Variants in TNR observed in about 807,000 individuals in gnomAD.
TNR encodes the protein tenascin R, also known as tenascin-R.
A neutral mutation model predicts 150.4 loss-of-function variants in TNR; 45 were observed. The observed-to-expected ratio is 0.30, with a 90% confidence interval of 0.24 to 0.38. The LOEUF is 0.38. TNR is among the 10% of genes least tolerant of loss of function. The pLI is 1.00. For missense variants in TNR, 1,544 were observed against 1,759.1 expected (o/e 0.88, Z 2.19); for synonymous variants, 687 against 678.4 (o/e 1.01, Z -0.20).
At chr1:175,523,711 C>T (rs1228049336) in intron 2 of TNR, among the ~76,000 whole-genome samples, 2 of 152,128 alleles carry the variant, frequency 1.3e-5, no homozygotes, top group Non-Finnish European at 2.9e-5. Flanking sequence ...GAGCAACTTC[C>T]TATTTCATCT....
chr1:175,461,980 C>T (rs1018945979), intron 2 of TNR, among the ~76,000 whole-genome samples: 1 of 152,134 alleles, frequency 6.6e-6, no homozygotes, highest in Non-Finnish European at 1.5e-5. Context: ...ACTCTGCAAC[C>T]CTGGTTTCCA....
chr1:175,486,226 C>T (rs886590968), intron 2 of TNR, among the ~76,000 whole-genome samples: 3 of 151,826 alleles, frequency 2.0e-5, no homozygotes, highest in Non-Finnish European at 4.4e-5. Flanking sequence ...CTGCACCCAT[C>T]AACCCATCAT....
chr1:175,582,596 A>C (rs1416530634), intron 1 of TNR, among the ~76,000 whole-genome samples: 5 of 152,170 alleles, frequency 3.3e-5, no homozygotes, highest in Non-Finnish European at 7.4e-5. Flanking sequence ...GGGGTGGTGG[A>C]GAACTCCACA....
At chr1:175,361,107 G>C (rs1231692892) in intron 14 of TNR, among the ~76,000 whole-genome samples, 1 of 152,092 alleles carries the variant, frequency 6.6e-6, no homozygotes, top group African/African-American at 2.4e-5. Flanking sequence ...TGTCACTCAG[G>C]CTGGCATGCA....
At position 175,391,411 on chromosome 1, in the gene TNR, C is replaced by G; in HGVS notation, c.1384G>C (p.Val462Leu). Residue 462 changes from valine to leucine, a missense_variant, in exon 7 of 23, where the codon GTC (valine) becomes CTC (leucine). Around this residue, in one of 2 missense-constraint regions of TNR, gnomAD observed 1,254 missense variants for 1,329.4 expected, o/e 0.94. Transcript: ENST00000367674. Reference sequence around the variant, plus strand: ...TTAAAGGACGTAACATCGCTGGGGACCTGAGCAATCACTCCCCCTTCATTG... The same window carrying G: ...TTAAAGGACGTAACATCGCTGGGGAGCTGAGCAATCACTCCCCCTTCATTG... The part of the protein sequence containing the change: ...KNNEGGVIAQ[V>L]PSDVTSFNQT... 6.2e-7 allele frequency: 1 copy of G among 1,614,126 alleles called. No individual in the cohort carries two copies. Among genetic ancestry groups the G allele is most frequent in the South Asian group, 1.1e-5 (1 of 91,074 alleles).
chr1:175,528,425 C>T (rs1436824836), intron 1 of TNR, 56 bp from the exon 2 acceptor site: 1 of 152,008 alleles, frequency 6.6e-6, no homozygotes, highest in African/African-American at 2.4e-5. Flanking sequence ...AATAAGAAAC[C>T]CTGGTTTCCC....
chr1:175,411,658 C>G (rs952758924), intron 2 of TNR, among the ~76,000 whole-genome samples: 2 of 151,618 alleles, frequency 1.3e-5, no homozygotes, highest in Non-Finnish European at 1.5e-5. Context: ...ACTGTATTCT[C>G]CTTGTTTCTT....
chr1:175,413,880 C>A (rs955747397), intron 2 of TNR, among the ~76,000 whole-genome samples: 2 of 152,184 alleles, frequency 1.3e-5, no homozygotes, highest in Non-Finnish European at 2.9e-5. Context: ...TGCCTGTAAT[C>A]TCAGCACTTT....
intron 2 of TNR, among the ~76,000 whole-genome samples, chr1:175,492,931 A>C (rs1216427402): frequency 6.6e-6 from 1 of 152,166 alleles, no homozygotes; most frequent in Non-Finnish European, 1.5e-5. Context: ...CTTCTTGTTA[A>C]TTCTAGGTAG....
intron 2 of TNR, among the ~76,000 whole-genome samples, chr1:175,419,535 T>C (rs1654656376): frequency 6.6e-6 from 1 of 152,054 alleles, no homozygotes; most frequent in Non-Finnish European, 1.5e-5. Context: ...GTCCAATTCC[T>C]CTGTGGCACG....
At chr1:175,326,227 T>C (rs908376652) in intron 21 of TNR, among the ~76,000 whole-genome samples, 7 of 152,198 alleles carry the variant, frequency 4.6e-5, no homozygotes, top group African/African-American at 1.7e-4. Context: ...AATTAAATTA[T>C]AACAGTTTAT....
chr1:175,549,582 A>T (rs1312708579), intron 1 of TNR, among the ~76,000 whole-genome samples: 1 of 152,176 alleles, frequency 6.6e-6, no homozygotes, highest in Non-Finnish European at 1.5e-5. Flanking sequence ...AGACAGAAAG[A>T]TTATAGAGGT....
intron 2 of TNR, among the ~76,000 whole-genome samples, chr1:175,465,266 T>A (rs898279385): frequency 6.6e-6 from 1 of 152,216 alleles, no homozygotes; most frequent in Non-Finnish European, 1.5e-5. Context: ...ATGGGGATAA[T>A]GATGCTACTG....
chr1:175,641,763 T>C (rs1160717939), intron 1 of TNR, among the ~76,000 whole-genome samples: 1 of 152,188 alleles, frequency 6.6e-6, no homozygotes, highest in Non-Finnish European at 1.5e-5. Context: ...GTGCTGAGGA[T>C]CCTTTGTATT....
intron 1 of TNR, among the ~76,000 whole-genome samples, chr1:175,536,566 G>C (rs1660294515): frequency 6.6e-6 from 1 of 152,184 alleles, no homozygotes; most frequent in Non-Finnish European, 1.5e-5. Flanking sequence ...GGATCCAGAT[G>C]GCCTCCTTTG....
At chr1:175,487,173 G>C in intron 2 of TNR, among the ~76,000 whole-genome samples, 1 of 152,152 alleles carries the variant, frequency 6.6e-6, no homozygotes, top group Middle Eastern at 3.2e-3. Context: ...ATTGCTTTTG[G>C]TGTTTTAGTC....
intron 8 of TNR, among the ~76,000 whole-genome samples, chr1:175,380,820 G>A (rs1236569666): frequency 5.9e-5 from 9 of 152,206 alleles, no homozygotes; most frequent in Non-Finnish European, 1.3e-4. Flanking sequence ...GTTTAAAATA[G>A]TTCTTGCCTT....
intron 10 of TNR, 135 bp from the exon 11 acceptor site, chr1:175,366,273 T>C (rs977963792): frequency 4.8e-5 from 47 of 982,790 alleles, no homozygotes; most frequent in Non-Finnish European, 6.4e-5. Context: ...CTGACACTTA[T>C]CTAATATTTT....
intron 1 of TNR, among the ~76,000 whole-genome samples, chr1:175,713,726 C>T (rs1409700110): frequency 6.6e-6 from 1 of 152,178 alleles, no homozygotes; most frequent in Non-Finnish European, 1.5e-5. Flanking sequence ...AGTGACATTT[C>T]TCTGAGAAAC....
Sources: gnomAD v4.1 joint callset for allele counts (sites outside exome capture counted in the v4.1 genomes callset) on GRCh38, gnomAD v4.1.1 for gene constraint, gnomAD v4.1.1 regional missense constraint, MANE v1.5 for transcripts, NCBI Gene and HGNC (gene_info 2026-07-23, HGNC 2026-07-21) for gene names.